Variants in B3GAT2 observed in about 807,000 individuals in gnomAD.
B3GAT2 encodes the protein galactosylgalactosylxylosylprotein 3-beta-glucuronosyltransferase 2.
B3GAT2 carries 26 observed loss-of-function variants against 27.8 expected under a neutral mutation model. The ratio of observed to expected loss-of-function variants is 0.93; its 90% CI spans 0.68 to 1.30. The LOEUF (loss-of-function observed/expected upper bound fraction) is 1.30, where lower values mean the gene tolerates loss of function less well. B3GAT2 is among the 50% of genes most tolerant of loss of function. The pLI is 0.00. For missense variants in B3GAT2, 458 were observed against 459.0 expected (o/e 1.00, Z 0.02); for synonymous variants, 218 against 195.1 (o/e 1.12, Z -0.98).
At chr6:70,955,778 C>T in intron 1 of B3GAT2, 61 bp downstream of exon 1, 1 of 1,483,484 alleles carries the variant, frequency 6.7e-7, no homozygotes, top group African/African-American at 1.5e-5. Context: ...TGACTGCAGC[C>T]CGGCCGGCCC....
Position 70,861,991 on chromosome 6 carries a change from TAAA to T in B3GAT2, c.737-16_737-14del, listed in dbSNP as rs575008239. The T allele has an allele frequency of 1.1e-5, 13 of 1,222,774 alleles. No homozygotes were observed. Among genetic ancestry groups the T allele is most frequent in the Middle Eastern group, 2.3e-4 (1 of 4,280 alleles). 75.7% of individuals were successfully genotyped at this position (1,222,774 alleles called of 1,614,324 possible). ...CTTACAGCAAATCCTTTGTGAAAAA[TAAA>T]AAAAAAAAAGAGACTTTAAAATCCT... On this transcript the variant is annotated splice_polypyrimidine_tract_variant and intron_variant, in intron 2 of 3. Coordinates refer to ENST00000230053, the MANE Select transcript of B3GAT2 (RefSeq NM_080742.3).
Position 70,859,655 on chromosome 6 carries a change from T to A in B3GAT2, c.*2008A>T. On this transcript the variant is annotated 3_prime_UTR_variant, in exon 4 of 4. Transcript: ENST00000230053. ...TTAAGATGCTTATATATATATATAT[T>A]TGACTCCAGTCTTGAAGAAAAATAC... The A allele has an allele frequency of 3.5e-4, 90 of 253,906 alleles. No homozygotes were observed. Among genetic ancestry groups the A allele is most frequent in the Middle Eastern group, 2.6e-3 (2 of 778 alleles). 15.7% of individuals were successfully genotyped at this position (253,906 alleles called of 1,614,324 possible).
chr6:70,951,402 CA>C (rs1366577285), intron 1 of B3GAT2, among the ~76,000 whole-genome samples: 1 of 152,130 alleles, frequency 6.6e-6, no homozygotes, highest in East Asian at 1.9e-4. Context: ...GAGCCACCCA[CA>C]ATGGTTTCCA....
At chr6:70,907,258 G>C (rs1772617249) in intron 1 of B3GAT2, among the ~76,000 whole-genome samples, 1 of 152,152 alleles carries the variant, frequency 6.6e-6, no homozygotes, top group South Asian at 2.1e-4. Context: ...AGTGTGCTGG[G>C]CTGCTTCTGG....
rs1773120463 is a variant in B3GAT2 at position 70,935,036 on chromosome 6, T to C, written c.591+20803A>G. On this transcript the variant is annotated intron_variant, in intron 1 of 3. Coordinates refer to ENST00000230053, the MANE Select transcript of B3GAT2 (RefSeq NM_080742.3). ...TATAAAACTTTAAATTCTATCTATA[T>C]TCTTTTTGTCATTGTAGATATGTGT... Among the ~76,000 whole-genome samples the C allele has an allele frequency of 5.3e-5, 8 of 152,206 alleles. No homozygotes were observed. The South Asian group carries it at 1.7e-3, about 32-fold the overall frequency.
At chr6:70,929,428 A>C (rs1407307900) in intron 1 of B3GAT2, among the ~76,000 whole-genome samples, 1 of 152,228 alleles carries the variant, frequency 6.6e-6, no homozygotes, top group Non-Finnish European at 1.5e-5. Context: ...TGCAGATGAC[A>C]TGACTGTATA....
intron 1 of B3GAT2, among the ~76,000 whole-genome samples, chr6:70,917,734 T>C (rs1772797581): frequency 6.6e-6 from 1 of 152,242 alleles, no homozygotes; most frequent in African/African-American, 2.4e-5. Flanking sequence ...TCCTGAGTTC[T>C]AATTTGATTG....
rs539834036 is a variant in B3GAT2 at position 70,919,585 on chromosome 6, G to A, written c.592-25313C>T. On this transcript the variant is annotated intron_variant, in intron 1 of 3. Coordinates refer to ENST00000230053, the MANE Select transcript of B3GAT2 (RefSeq NM_080742.3). ...TTGGTGACCTACGGATGGGGTTTTC[G>A]TGTGGATGTCCTTTTTGCTGATGTT... 1.1e-4 allele frequency among the ~76,000 whole-genome samples: 17 copies of A among 152,260 alleles called. No homozygotes were observed. In the South Asian group the frequency reaches 2.7e-3, roughly 24 times the overall value.
intron 1 of B3GAT2, among the ~76,000 whole-genome samples, chr6:70,900,114 A>C (rs1411964326): frequency 6.6e-6 from 1 of 152,246 alleles, no homozygotes; most frequent in Non-Finnish European, 1.5e-5. Flanking sequence ...ATTCAATGCC[A>C]AAGTCATATT....
chr6:70,884,299 T>TC (rs903548045), intron 2 of B3GAT2, among the ~76,000 whole-genome samples: 3 of 152,046 alleles, frequency 2.0e-5, no homozygotes, highest in Non-Finnish European at 4.4e-5. Context: ...CAGCTCGGCA[T>TC]CCCCCTTTAC....
intron 1 of B3GAT2, among the ~76,000 whole-genome samples, chr6:70,937,829 T>C (rs1384106917): frequency 3.9e-5 from 6 of 152,190 alleles, no homozygotes; most frequent in Non-Finnish European, 7.3e-5. Context: ...GGCATTCCCT[T>C]TGAAAACGGG....
rs190255552 is a variant in B3GAT2, at chr6:70,911,011, T to A, written c.592-16739A>T. ...GTCTGTTCATTTACTTTAGCTACTT[T>A]AAAAATTTTTTTTTCTTGTAAACTT... On this transcript the variant is annotated intron_variant, in intron 1 of 3. Transcript: ENST00000230053. 3.0e-3 allele frequency among the ~76,000 whole-genome samples: 455 copies of A among 152,168 alleles called. 2 individuals carry two copies. Among genetic ancestry groups the A allele is most frequent in the African/African-American group, 0.01 (421 of 41,552 alleles).
intron 1 of B3GAT2, among the ~76,000 whole-genome samples, chr6:70,902,617 G>GATAT (rs61150776): frequency 0.2 from 24,266 of 124,066 alleles, 2,365 homozygotes; most frequent in Non-Finnish European, 0.23. Flanking sequence ...AAGAAAATGG[G>GATAT]ATATATATAT....
chr6:70,893,404 A>T (rs911998404), intron 2 of B3GAT2, among the ~76,000 whole-genome samples: 5 of 145,136 alleles, frequency 3.4e-5, no homozygotes, highest in Non-Finnish European at 7.6e-5. Context: ...ATGTCACCGA[A>T]TTTTTTTTTT....
intron 1 of B3GAT2, among the ~76,000 whole-genome samples, chr6:70,948,208 A>G (rs976171114): frequency 6.9e-6 from 1 of 145,726 alleles, no homozygotes; most frequent in Non-Finnish European, 1.5e-5. Context: ...CCTATTCAAC[A>G]TAGTGTTGGA....
chr6:70,857,090 T>C lies in B3GAT2; in HGVS notation c.*4573A>G. 3 of 1,442,214 alleles carry C rather than the reference T, an allele frequency of 2.1e-6. No homozygotes were observed. The highest frequency in any genetic ancestry group is 1.5e-5 in the South Asian group (1 of 64,934). The allele number at this position is 1,442,214 out of a possible 1,614,324, so 89.3% of individuals were successfully genotyped here. ...ACTAGAAGTACATCCTTTGTAATTA[T>C]ATAATAAGATCAATTATATATCTTT... On this transcript the variant is annotated 3_prime_UTR_variant, in exon 4 of 4. Transcript: ENST00000230053.
intron 1 of B3GAT2, among the ~76,000 whole-genome samples, chr6:70,910,392 T>C (rs1772670897): frequency 6.6e-6 from 1 of 152,186 alleles, no homozygotes; most frequent in Non-Finnish European, 1.5e-5. Context: ...TTCTCAATGT[T>C]TAGCTTCCAC....
chr6:70,919,736 A>AACAAATATTGCAGAACG, intron 1 of B3GAT2, among the ~76,000 whole-genome samples: 1 of 151,578 alleles, frequency 6.6e-6, no homozygotes, highest in East Asian at 1.9e-4. Context: ...GCTGCAGAAC[A>AACAAATATTGCAGAACG]GCAGATATTG....
At chr6:70,936,444 A>C (rs1173765312) in intron 1 of B3GAT2, among the ~76,000 whole-genome samples, 2 of 152,044 alleles carry the variant, frequency 1.3e-5, no homozygotes, top group Non-Finnish European at 1.5e-5. Context: ...AATCAACAGA[A>C]AATACATTTT....
Sources: gnomAD v4.1 joint callset for allele counts (sites outside exome capture counted in the v4.1 genomes callset) on GRCh38, gnomAD v4.1.1 for gene constraint, MANE v1.5 for transcripts, NCBI Gene and HGNC (gene_info 2026-07-23, HGNC 2026-07-21) for gene names.